The following CDH13 variants were observed in gnomAD, a reference collection of about 807,000 sequenced individuals.
CDH13 encodes the protein cadherin 13, also known as cadherin-13.
CDH13 carries 24 observed loss-of-function variants against 63.8 expected under a neutral mutation model. The ratio of observed to expected loss-of-function variants is 0.38; its 90% CI spans 0.27 to 0.53. CDH13 has a LOEUF of 0.53. Among genes scored for constraint, CDH13 ranks in the 20% least tolerant of loss-of-function variants. The probability of loss-of-function intolerance (pLI) is 0.85; values close to 1 mark genes in which losing one functional copy is unlikely to be tolerated. For synonymous variants in CDH13, 503 were observed against 355.3 expected (o/e 1.42, Z -4.67); for missense variants, 1,049 against 903.1 (o/e 1.16, Z -2.07).
chr16:83,031,617 A>G (rs1916359613), intron 2 of CDH13, among the ~76,000 whole-genome samples: 1 of 151,862 alleles, frequency 6.6e-6, no homozygotes, highest in East Asian at 1.9e-4. Context: ...TACCCAGCTC[A>G]AATATTGACT....
At chr16:83,636,167 C>T (rs537597914) in intron 8 of CDH13, among the ~76,000 whole-genome samples, 3 of 151,876 alleles carry the variant, frequency 2.0e-5, no homozygotes, top group East Asian at 3.9e-4. Context: ...CCGTTCTGTC[C>T]CATTGATCTA....
At chr16:83,474,383 C>G (rs1273531498) in intron 6 of CDH13, among the ~76,000 whole-genome samples, 1 of 152,178 alleles carries the variant, frequency 6.6e-6, no homozygotes, top group East Asian at 1.9e-4. Context: ...TCCATCTGTT[C>G]AGCTTCTATC....
At chr16:83,772,051 G>T (rs1914794969) in intron 11 of CDH13, among the ~76,000 whole-genome samples, 1 of 152,118 alleles carries the variant, frequency 6.6e-6, no homozygotes. Flanking sequence ...ACACTCTGTG[G>T]GTGGAGAAGG....
At chr16:83,448,476 G>A (rs2072777841) in intron 6 of CDH13, among the ~76,000 whole-genome samples, 1 of 152,166 alleles carries the variant, frequency 6.6e-6, no homozygotes. Flanking sequence ...AGAACAAGGT[G>A]CTCAGTGTCT....
At chr16:83,546,364 A>G (rs551655694) in intron 7 of CDH13, among the ~76,000 whole-genome samples, 6 of 151,774 alleles carry the variant, frequency 4.0e-5, no homozygotes, top group Non-Finnish European at 8.8e-5. Flanking sequence ...AAGTGCCTTC[A>G]TTTAATTTAA....
intron 5 of CDH13, among the ~76,000 whole-genome samples, chr16:83,303,121 A>G (rs2089789252): frequency 6.6e-6 from 1 of 152,228 alleles, no homozygotes; most frequent in African/African-American, 2.4e-5. Context: ...TGGGAGGAGA[A>G]GGAAGGAAAA....
chr16:83,258,366 C>G (rs1320810183), intron 5 of CDH13, among the ~76,000 whole-genome samples: 2 of 152,150 alleles, frequency 1.3e-5, no homozygotes, highest in African/African-American at 4.8e-5. Context: ...TTAAGATGCA[C>G]CTTCTTAATG....
At chr16:82,888,468 A>C (rs1039635492) in intron 2 of CDH13, among the ~76,000 whole-genome samples, 5 of 152,214 alleles carry the variant, frequency 3.3e-5, no homozygotes, top group Non-Finnish European at 5.9e-5. Flanking sequence ...CAAATGCCCC[A>C]GTGCTCTCTG....
chr16:83,133,105 A>G (rs2036131232), intron 4 of CDH13, among the ~76,000 whole-genome samples: 1 of 152,194 alleles, frequency 6.6e-6, no homozygotes, highest in Admixed American at 6.5e-5. Flanking sequence ...TGCAGTTATA[A>G]AGTCTTTACT....
intron 7 of CDH13, among the ~76,000 whole-genome samples, chr16:83,563,685 G>C (rs918575028): frequency 6.6e-6 from 1 of 152,132 alleles, no homozygotes; most frequent in African/African-American, 2.4e-5. Flanking sequence ...GTGTGTGTTT[G>C]TGTAAGAACA....
chr16:82,923,425 C>G (rs936050995), intron 2 of CDH13, among the ~76,000 whole-genome samples: 1 of 152,142 alleles, frequency 6.6e-6, no homozygotes, highest in Non-Finnish European at 1.5e-5. Flanking sequence ...GGAATAAAGC[C>G]AGACAAGAAC....
At chr16:83,213,808 G>T (rs1312165557) in intron 4 of CDH13, among the ~76,000 whole-genome samples, 1 of 152,132 alleles carries the variant, frequency 6.6e-6, no homozygotes, top group African/African-American at 2.4e-5. Flanking sequence ...TCTTAGAAGA[G>T]GATGGTAAAA....
intron 7 of CDH13, among the ~76,000 whole-genome samples, chr16:83,572,770 T>A (rs1904761599): frequency 6.6e-6 from 1 of 152,232 alleles, no homozygotes; most frequent in Non-Finnish European, 1.5e-5. Flanking sequence ...CTTTGGAAAC[T>A]CAAATCATCC....
chr16:82,805,108 T>C (rs1450112789), intron 1 of CDH13, among the ~76,000 whole-genome samples: 2 of 152,172 alleles, frequency 1.3e-5, no homozygotes, highest in Admixed American at 6.5e-5. Context: ...GGACTTGCTT[T>C]TCACTTTCAT....
At chr16:82,855,167 T>C (rs2039636248) in intron 1 of CDH13, among the ~76,000 whole-genome samples, 1 of 152,188 alleles carries the variant, frequency 6.6e-6, no homozygotes. Flanking sequence ...CCCTCTTCCC[T>C]AAGAGTCAGC....
intron 1 of CDH13, among the ~76,000 whole-genome samples, chr16:82,814,204 G>C (rs116165333): frequency 4.3e-4 from 65 of 152,236 alleles, no homozygotes; most frequent in African/African-American, 1.5e-3. Context: ...GCATCTAAGA[G>C]CTTTGTAATT....
At chr16:83,437,302 A>C (rs1402880743) in intron 6 of CDH13, among the ~76,000 whole-genome samples, 1 of 152,188 alleles carries the variant, frequency 6.6e-6, no homozygotes, top group Non-Finnish European at 1.5e-5. Flanking sequence ...GAAATATTAT[A>C]AATATGAAAT....
intron 1 of CDH13, among the ~76,000 whole-genome samples, chr16:82,743,838 T>G (rs2034042250): frequency 1.3e-5 from 2 of 152,328 alleles, no homozygotes; most frequent in Non-Finnish European, 2.9e-5. Context: ...TTTATAAATA[T>G]GACATAGAAA....
At chr16:83,217,243 C>A in intron 4 of CDH13, 102 bp from the exon 5 acceptor site, 1 of 1,151,782 alleles carries the variant, frequency 8.7e-7, no homozygotes, top group Non-Finnish European at 1.3e-6. Context: ...TACCCATGTG[C>A]TGGCACCTGT....
Sources: allele counts gnomAD v4.1 joint callset (sites outside exome capture counted in the v4.1 genomes callset), GRCh38; gene constraint gnomAD v4.1.1; transcripts MANE v1.5; gene names NCBI Gene and HGNC (gene_info 2026-07-23, HGNC 2026-07-21).